Variants in ZMAT2 observed in about 807,000 individuals in gnomAD.
ZMAT2 encodes the protein zinc finger matrin-type protein 2.
ZMAT2 carries 5 observed loss-of-function variants against 27.5 expected under a neutral mutation model. That is an observed-to-expected ratio of 0.18 (90% confidence interval 0.10 to 0.38). The LOEUF is 0.38. Ranked by LOEUF, ZMAT2 falls within the 10% of genes least tolerant of loss-of-function variation. The probability of loss-of-function intolerance (pLI) is 1.00; values close to 1 mark genes in which losing one functional copy is unlikely to be tolerated. For missense variants in ZMAT2, 124 were observed against 243.9 expected, an observed-to-expected ratio of 0.51 and a Z score of 3.27; for synonymous variants, 76 against 78.6, an observed-to-expected ratio of 0.97 and a Z score of 0.17.
chr5:140,704,311 C>A, intron 4 of ZMAT2, 115 bp from the exon 5 acceptor site: 1 of 1,404,882 alleles, frequency 7.1e-7, no homozygotes. Context: ...TTTCTTTTAG[C>A]CATAATTATT....
rs1329619388 is a variant in ZMAT2, at chr5:140,700,923, A to C, written c.112+11A>C. The C allele has an allele frequency of 2.5e-6, 4 of 1,613,574 alleles. No homozygotes were observed. In the South Asian group the frequency reaches 3.3e-5, roughly 13 times the overall value. ...GAGAAAAGAAAGATGGTGGGTGCTAACTACATCAAGGGCTAAGGGTATCAC... is the reference window on the plus strand; with the variant it reads ...GAGAAAAGAAAGATGGTGGGTGCTACCTACATCAAGGGCTAAGGGTATCAC... On this transcript the variant is annotated intron_variant, in intron 2 of 5. Transcript: ENST00000274712.
At chr5:140,701,922 G>C in intron 2 of ZMAT2, 84 bp from the exon 3 acceptor site, 1 of 1,512,890 alleles carries the variant, frequency 6.6e-7, no homozygotes, top group Non-Finnish European at 8.9e-7. Flanking sequence ...AGTAAGACCT[G>C]AATTTTGGAT....
Position 140,704,520 on chromosome 5 carries a change from G to A in ZMAT2, c.405G>A (p.Glu135=). Residue 135 remains glutamate (E), a synonymous_variant, in exon 5 of 6, where the codon GAG becomes GAA. Transcript: ENST00000274712. ...RFEVNKKKME[E]KQKDYDFEER... is the part of the protein sequence containing the mutation. Reference sequence around the variant, plus strand: ...AGGTCAACAAGAAGAAGATGGAAGAGAAGCAGAAGGATTATGATTTTGAGG... The same window carrying A: ...AGGTCAACAAGAAGAAGATGGAAGAAAAGCAGAAGGATTATGATTTTGAGG... 6.2e-7 allele frequency: 1 copy of A among 1,614,118 alleles called. No homozygotes were observed. Among genetic ancestry groups the A allele is most frequent in the Non-Finnish European group, 8.5e-7 (1 of 1,179,998 alleles).
At chr5:140,702,198 G>T in intron 3 of ZMAT2, 69 bp downstream of exon 3, 1 of 1,585,026 alleles carries the variant, frequency 6.3e-7, no homozygotes, top group South Asian at 1.1e-5. Context: ...TTGGTTTTAG[G>T]AAGTGTTAAG....
At chr5:140,702,910 G>A (rs1759991120) in intron 3 of ZMAT2, among the ~76,000 whole-genome samples, 1 of 152,194 alleles carries the variant, frequency 6.6e-6, no homozygotes, top group Admixed American at 6.5e-5. Context: ...ACACTTCTCT[G>A]AGCTGCTTAG....
rs1213636148 is a variant in ZMAT2 at position 140,704,304 on chromosome 5, C to A, written c.311-122C>A. Reference sequence around the variant, plus strand: ...TGGACCCAGCTGGCCAAGGGAGTTTCTTTTAGCCATAATTATTTTTGCTGT... The same window carrying A: ...TGGACCCAGCTGGCCAAGGGAGTTTATTTTAGCCATAATTATTTTTGCTGT... On this transcript the variant is annotated intron_variant, in intron 4 of 5. Coordinates refer to ENST00000274712, the MANE Select transcript of ZMAT2 (RefSeq NM_144723.3). 2.2e-6 allele frequency: 3 copies of A among 1,386,786 alleles called. No individual in the cohort carries two copies. The African/African-American group carries it at 4.3e-5, about 20-fold the overall frequency. 85.9% of individuals were successfully genotyped at this position (1,386,786 alleles called of 1,614,324 possible).
chr5:140,701,145 G>T (rs1184512244), intron 2 of ZMAT2, among the ~76,000 whole-genome samples: 1 of 152,172 alleles, frequency 6.6e-6, no homozygotes, highest in Admixed American at 6.5e-5. Context: ...CCCACCCTTT[G>T]CTTGGCTCGT....
intron 3 of ZMAT2, among the ~76,000 whole-genome samples, chr5:140,702,482 C>T (rs1246666150): frequency 6.6e-6 from 1 of 152,060 alleles, no homozygotes; most frequent in East Asian, 1.9e-4. Context: ...TTAAAAAAAC[C>T]AAAACAAACA....
intron 4 of ZMAT2, 126 bp from the exon 5 acceptor site, chr5:140,704,300 G>A (rs1760012748): frequency 3.0e-6 from 4 of 1,348,426 alleles, no homozygotes; most frequent in Non-Finnish European, 4.0e-6. Context: ...GGCCAAGGGA[G>A]TTTCTTTTAG....
chr5:140,705,506 T>G, intron 5 of ZMAT2, 107 bp from the exon 6 acceptor site: 1 of 1,353,244 alleles, frequency 7.4e-7, no homozygotes, highest in South Asian at 1.5e-5. Context: ...CATGAAGTAC[T>G]CAGAGCAATT....
At chr5:140,704,716 CT>C in intron 5 of ZMAT2, 145 bp downstream of exon 5, 1 of 772,754 alleles carries the variant, frequency 1.3e-6, no homozygotes, top group Non-Finnish European at 1.8e-6. Flanking sequence ...CATTTGTTGC[CT>C]TTGTTTAGGA....
intron 3 of ZMAT2, among the ~76,000 whole-genome samples, chr5:140,703,470 G>A (rs111613833): frequency 2.2e-3 from 337 of 152,126 alleles, no homozygotes; most frequent in African/African-American, 7.8e-3. Flanking sequence ...CCGACCTCAG[G>A]TGATCCGCCC....
chr5:140,706,380 C>T lies in ZMAT2; in HGVS notation c.*624C>T, dbSNP rs912411341. On this transcript the variant is annotated 3_prime_UTR_variant, in exon 6 of 6. Transcript: ENST00000274712. ...TGGGGCCTGATGTTCTTGGCTTCCT[C>T]AGAGCATGTAACAGGAAATTAAATG... 18 of 152,708 alleles carry T rather than the reference C, an allele frequency of 1.2e-4. No homozygotes were observed. Among genetic ancestry groups the T allele is most frequent in the African/African-American group, 3.9e-4 (16 of 41,420 alleles). The allele number at this position is 152,708 out of a possible 1,614,324, so 9.5% of individuals were successfully genotyped here. A position where few individuals can be genotyped will look rare whatever the true frequency, so the allele number is the denominator to read the frequency against.
chr5:140,701,290 G>C (rs905504160), intron 2 of ZMAT2, among the ~76,000 whole-genome samples: 1 of 152,070 alleles, frequency 6.6e-6, no homozygotes, highest in Non-Finnish European at 1.5e-5. Flanking sequence ...TTAAGGGAGA[G>C]AACATTCCTG....
At chr5:140,705,495 A>T in intron 5 of ZMAT2, 118 bp from the exon 6 acceptor site, 1 of 1,210,964 alleles carries the variant, frequency 8.3e-7, no homozygotes, top group African/African-American at 1.5e-5. Context: ...ATCTTAATAT[A>T]CATGAAGTAC....
Position 140,705,778 on chromosome 5 carries a change from C to CTTTG in ZMAT2, c.*23_*26dup. The CTTTG allele has an allele frequency of 6.2e-7, 1 of 1,611,848 alleles. No homozygotes were observed. The highest frequency in any genetic ancestry group is 1.1e-5 in the South Asian group (1 of 90,920). ...CTGAGGCTTTCTGTGCTTGGCCTGA[C>CTTTG]TTTGGCCTATGCTGGACCTAACTTT... On this transcript the variant is annotated 3_prime_UTR_variant, in exon 6 of 6. Coordinates refer to ENST00000274712, the MANE Select transcript of ZMAT2 (RefSeq NM_144723.3).
At chr5:140,704,926 C>T (rs1760031126) in intron 5 of ZMAT2, among the ~76,000 whole-genome samples, 1 of 151,428 alleles carries the variant, frequency 6.6e-6, no homozygotes, top group Non-Finnish European at 1.5e-5. Flanking sequence ...ACATAATACA[C>T]CTAACCTACT....
intron 5 of ZMAT2, 125 bp from the exon 6 acceptor site, chr5:140,705,488 T>G: frequency 8.7e-7 from 1 of 1,149,446 alleles, no homozygotes; most frequent in African/African-American, 1.6e-5. Flanking sequence ...ATTAGAGATC[T>G]TAATATACAT....
intron 3 of ZMAT2, 32 bp from the exon 4 acceptor site, chr5:140,703,886 T>C (rs779128755): frequency 1.6e-5 from 25 of 1,598,762 alleles, no homozygotes; most frequent in Non-Finnish European, 2.1e-5. Context: ...CTTAAAACCA[T>C]ATTTGACTCA....
Sources: allele counts gnomAD v4.1 joint callset (sites outside exome capture counted in the v4.1 genomes callset), GRCh38; gene constraint gnomAD v4.1.1; transcripts MANE v1.5; gene names NCBI Gene and HGNC (gene_info 2026-07-23, HGNC 2026-07-21).